COPS6: variants seen among roughly 807,000 people sequenced by gnomAD.
The protein encoded by COPS6 is COP9 signalosome complex subunit 6.
Under a neutral mutation model 41.0 loss-of-function variants are expected in COPS6, and 9 were observed. That is an observed-to-expected ratio of 0.22 (90% CI 0.13 to 0.38). The LOEUF (loss-of-function observed/expected upper bound fraction) is 0.38. Among genes scored for constraint, COPS6 ranks in the 10% least tolerant of loss-of-function variants. The pLI is 1.00. For missense variants in COPS6, 302 were observed against 436.7 expected (o/e 0.69, Z 2.75); for synonymous variants, 179 against 162.9 (o/e 1.10, Z -0.75).
Position 100,088,995 on chromosome 7 carries a change from C to A in COPS6, c.5C>A (p.Ala2Glu). The change falls in exon 1 of 10, where the codon GCG becomes GAG. Residue 2 changes from alanine (A) to glutamate (E), a missense_variant. Coordinates refer to ENST00000303904, the MANE Select transcript of COPS6 (RefSeq NM_006833.5). M[A>E]AAAAAAAATN... ...AGGCTGGCGGGCGCGGGGAAAATGG[C>A]GGCGGCGGCGGCGGCGGCTGCAGCT... 1 of 1,279,690 alleles carries A rather than the reference C, an allele frequency of 7.8e-7. No homozygotes were observed. Among genetic ancestry groups the A allele is most frequent in the Non-Finnish European group, 1.0e-6 (1 of 1,004,462 alleles). The allele number at this position is 1,279,690 out of a possible 1,614,324, so 79.3% of individuals were successfully genotyped here. A position where few individuals can be genotyped will look rare whatever the true frequency, so the allele number is the denominator to read the frequency against.
chr7:100,090,072 G>A (rs1384445045), intron 3 of COPS6: 3 of 437,772 alleles, frequency 6.9e-6, no homozygotes, highest in African/African-American at 4.0e-5. Flanking sequence ...ATGTCAGGCC[G>A]GGCTCAGTGA....
In COPS6 at chr7:100,090,771, T is replaced by C. The variant is rs1374509870; in HGVS notation, c.486+117T>C. 5 of 1,449,944 alleles carry C rather than the reference T, an allele frequency of 3.4e-6. No individual in the cohort carries two copies. In the African/African-American group the frequency reaches 7.0e-5, roughly 20 times the overall value. 89.8% of individuals were successfully genotyped at this position (1,449,944 alleles called of 1,614,324 possible). ...ACCAGCTGTGACTCTGGCTTAGTCATTTAATCTCCAAACTGTGAAAGGAGG... is the reference window on the plus strand; with the variant it reads ...ACCAGCTGTGACTCTGGCTTAGTCACTTAATCTCCAAACTGTGAAAGGAGG... On this transcript the variant is annotated intron_variant, in intron 5 of 9. Coordinates refer to ENST00000303904, the MANE Select transcript of COPS6 (RefSeq NM_006833.5).
rs1164811426 is a variant in COPS6 at position 100,091,826 on chromosome 7, C to G, written c.*37C>G. ...GAAGGGCTGATGGACAGGGGTCAGG[C>G]AACTATCCCAAAGGGGAGGGCACTA... On this transcript the variant is annotated 3_prime_UTR_variant, in exon 10 of 10. Coordinates refer to ENST00000303904, the MANE Select transcript of COPS6 (RefSeq NM_006833.5). This position sits in a 1 kb window ranked among gnomAD's most constrained non-coding sequence, Gnocchi z 4.1. The G allele has an allele frequency of 6.2e-7, 1 of 1,613,390 alleles. No individual in the cohort carries two copies. Among genetic ancestry groups the G allele is most frequent in the Non-Finnish European group, 8.5e-7 (1 of 1,179,406 alleles).
At position 100,091,823 on chromosome 7, in the gene COPS6, AG is replaced by A. The variant is rs750331554; in HGVS notation, c.*36del. 1.9e-6 allele frequency: 3 copies of A among 1,613,682 alleles called. No homozygotes were observed. The highest frequency in any genetic ancestry group is 2.5e-6 in the Non-Finnish European group (3 of 1,179,680). Reference sequence around the variant, plus strand: ...CTTGAAGGGCTGATGGACAGGGGTCAGGCAACTATCCCAAAGGGGAGGGCAC... The same window carrying A: ...CTTGAAGGGCTGATGGACAGGGGTCAGCAACTATCCCAAAGGGGAGGGCAC... On this transcript the variant is annotated 3_prime_UTR_variant, in exon 10 of 10. Transcript: ENST00000303904. The surrounding 1 kb of genome is among the most constrained non-coding windows in gnomAD (Gnocchi z 4.1).
Position 100,090,804 on chromosome 7 carries a change from T to G in COPS6, c.487-98T>G, listed in dbSNP as rs1005198663. ...CCAAACTGTGAAAGGAGGTAATCCC[T>G]ACTTCATTGGTTTCTTGGGAAGATG... On this transcript the variant is annotated intron_variant, in intron 5 of 9. Coordinates refer to ENST00000303904, the MANE Select transcript of COPS6 (RefSeq NM_006833.5). The G allele has an allele frequency of 1.0e-5, 15 of 1,491,262 alleles. No homozygotes were observed. In the African/African-American group the frequency reaches 1.9e-4, roughly 19 times the overall value. 92.4% of individuals were successfully genotyped at this position (1,491,262 alleles called of 1,614,324 possible). A position where few individuals can be genotyped will look rare whatever the true frequency, so the allele number is the denominator to read the frequency against.
At chr7:100,089,127 C>A in intron 1 of COPS6, 61 bp downstream of exon 1, 1 of 1,461,596 alleles carries the variant, frequency 6.8e-7, no homozygotes, top group South Asian at 1.5e-5. Context: ...TGAGGCCTCC[C>A]TGTGCTCCCG....
At chr7:100,089,200 T>G (rs560041581) in intron 1 of COPS6, 90 bp from the exon 2 acceptor site, 6 of 1,531,372 alleles carry the variant, frequency 3.9e-6, no homozygotes, top group Admixed American at 2.1e-5. Context: ...GAGGAAAGTG[T>G]GGCCCGGGCT....
Position 100,091,309 on chromosome 7 carries a change from T to A in COPS6, c.721T>A (p.Tyr241Asn). Residue 241 changes from tyrosine (Y) to asparagine (N), a missense_variant, in exon 8 of 10, where the codon TAC becomes AAC. Tyr to Asn is a moderately radical substitution (Grantham distance 143, BLOSUM62 -2). This residue lies in a region of COPS6 where 222 missense variants were observed against 309.0 expected (regional missense o/e 0.72). Transcript: ENST00000303904. The surrounding 1 kb of genome is among the most constrained non-coding windows in gnomAD (Gnocchi z 4.1). ...LHSRVKLILE[Y>N]VKASEAGEVP... ...CAGCCGCGTCAAGCTCATCTTGGAG[T>A]ACGTCAAGGCCTCTGAAGCGGGTAG... 1 of 1,614,136 alleles carries A rather than the reference T, an allele frequency of 6.2e-7. No homozygotes were observed. The highest frequency in any genetic ancestry group is 8.5e-7 in the Non-Finnish European group (1 of 1,180,004).
Position 100,089,595 on chromosome 7 carries a change from C to T in COPS6, c.203-20C>T. ...GAAGTTTCTTTACCCTCACCTTTTC[C>T]ATGTCATTCTCTTTCCCAGTGATTG... On this transcript the variant is annotated intron_variant, in intron 2 of 9. Coordinates refer to ENST00000303904, the MANE Select transcript of COPS6 (RefSeq NM_006833.5). 1 of 1,609,618 alleles carries T rather than the reference C, an allele frequency of 6.2e-7. No homozygotes were observed.
chr7:100,090,839 G>A lies in COPS6; in HGVS notation c.487-63G>A, dbSNP rs1029052193. On this transcript the variant is annotated intron_variant, in intron 5 of 9. Coordinates refer to ENST00000303904, the MANE Select transcript of COPS6 (RefSeq NM_006833.5). ...GTTTCTTGGGAAGATGAGAGGAAAT[G>A]TGTAAAAGCAGCTAGCCCAAATGTT... 3.2e-6 allele frequency: 5 copies of A among 1,571,638 alleles called. No homozygotes were observed. The African/African-American group carries it at 6.8e-5, about 21-fold the overall frequency.
rs181212766 is a variant in COPS6 at position 100,090,693 on chromosome 7, C to G, written c.486+39C>G. 2.3e-4 allele frequency: 370 copies of G among 1,591,736 alleles called. No homozygotes were observed. The African/African-American group carries it at 4.2e-3, about 18-fold the overall frequency. On this transcript the variant is annotated intron_variant, in intron 5 of 9. Transcript: ENST00000303904. Reference sequence around the variant, plus strand: ...CATGCCTACTCTGTCATGATTGTCGCTATACCTTTTACTGTGTGACACTCC... The same window carrying G: ...CATGCCTACTCTGTCATGATTGTCGGTATACCTTTTACTGTGTGACACTCC...
Position 100,089,320 on chromosome 7 carries a change from C to T in COPS6, c.107C>T (p.Thr36Ile). ...VVPSVMACGV[T>I]GSVSVALHPL... ...CCCAGCGTGATGGCCTGCGGAGTGA[C>T]TGGGAGTGTTTCCGTCGCTCTCCAT... The change falls in exon 2 of 10, where the codon ACT (threonine) becomes ATT (isoleucine). Residue 36 changes from threonine (T) to isoleucine (I), a missense_variant. Physicochemically the swap from Thr to Ile is moderately conservative, Grantham distance 89. Around this residue, in one of 3 missense-constraint regions of COPS6, gnomAD observed 76 missense variants for 97.9 expected, o/e 0.78. Coordinates refer to ENST00000303904, the MANE Select transcript of COPS6 (RefSeq NM_006833.5). 3.1e-6 allele frequency: 5 copies of T among 1,614,112 alleles called. No homozygotes were observed. In the South Asian group the frequency reaches 4.4e-5, roughly 14 times the overall value.
chr7:100,091,848 A>G lies in COPS6; in HGVS notation c.*59A>G, dbSNP rs2116540084. Reference sequence around the variant, plus strand: ...AGGCAACTATCCCAAAGGGGAGGGCACTACACTTCCTTGAGAGAAACCGCT... The same window carrying G: ...AGGCAACTATCCCAAAGGGGAGGGCGCTACACTTCCTTGAGAGAAACCGCT... On this transcript the variant is annotated 3_prime_UTR_variant, in exon 10 of 10. Coordinates refer to ENST00000303904, the MANE Select transcript of COPS6 (RefSeq NM_006833.5). The surrounding 1 kb of genome is among the most constrained non-coding windows in gnomAD (Gnocchi z 4.1). 6.2e-7 allele frequency: 1 copy of G among 1,605,588 alleles called. No homozygotes were observed. The highest frequency in any genetic ancestry group is 8.5e-7 in the Non-Finnish European group (1 of 1,173,608).
chr7:100,091,263 C>T lies in COPS6; in HGVS notation c.675C>T (p.His225=). 1.9e-6 allele frequency: 3 copies of T among 1,614,212 alleles called. No homozygotes were observed. The highest frequency in any genetic ancestry group is 2.5e-6 in the Non-Finnish European group (3 of 1,180,026). Reference sequence around the variant, plus strand: ...TGGCTGAACACCTGATAGCACAGCACAGCGCCATCAAGATGCTGCACAGCC... The same window carrying T: ...TGGCTGAACACCTGATAGCACAGCATAGCGCCATCAAGATGCTGCACAGCC... The part of the protein sequence containing the change: ...STVAEHLIAQ[H]SAIKMLHSRV... The change falls in exon 8 of 10, where the codon CAC becomes CAT. Residue 225 remains histidine, a synonymous_variant. Transcript: ENST00000303904. This position sits in a 1 kb window ranked among gnomAD's most constrained non-coding sequence, Gnocchi z 4.1.
In COPS6 at chr7:100,090,406, G is replaced by T; in HGVS notation, c.342G>T (p.Gln114His). 6.2e-7 allele frequency: 1 copy of T among 1,612,236 alleles called. No homozygotes were observed. Reference protein sequence around the residue: ...YYYTKEEQFKQVFKELEFLGW... With the variant: ...YYYTKEEQFKHVFKELEFLGW... ...TGGCCCCTTCCCCTCTAGTTAAACA[G>T]GTGTTCAAGGAGCTGGAGTTTCTGG... Residue 114 changes from glutamine (Q) to histidine (H), a missense_variant, in exon 4 of 10, where the codon CAG becomes CAT. Around this residue, in one of 3 missense-constraint regions of COPS6, gnomAD observed 222 missense variants for 309.0 expected, o/e 0.72. Coordinates refer to ENST00000303904, the MANE Select transcript of COPS6 (RefSeq NM_006833.5).
At chr7:100,089,840 A>G (rs1209643409) in intron 3 of COPS6, 94 bp downstream of exon 3, 2 of 1,268,194 alleles carry the variant, frequency 1.6e-6, no homozygotes, top group Non-Finnish European at 1.1e-6. Context: ...GAAACAGGAG[A>G]GGAGACCAAG....
At chr7:100,090,857 C>T (rs113847876) in intron 5 of COPS6, 45 bp from the exon 6 acceptor site, 1 of 1,607,574 alleles carries the variant, frequency 6.2e-7, no homozygotes, top group South Asian at 1.1e-5. Flanking sequence ...GCAGCTAGCC[C>T]AAATGTTGGC....
chr7:100,090,526 T>A (rs781277590), intron 4 of COPS6, 39 bp downstream of exon 4: 4 of 1,610,618 alleles, frequency 2.5e-6, no homozygotes, highest in Non-Finnish European at 2.5e-6. Context: ...GGGCAGAGAA[T>A]GGAGAATGAG....
Position 100,091,889 on chromosome 7 carries a change from G to C in COPS6, c.*100G>C. 1.3e-6 allele frequency: 2 copies of C among 1,511,276 alleles called. No homozygotes were observed. Among genetic ancestry groups the C allele is most frequent in the East Asian group, 2.3e-5 (1 of 43,806 alleles). 93.6% of individuals were successfully genotyped at this position (1,511,276 alleles called of 1,614,324 possible). A position where few individuals can be genotyped will look rare whatever the true frequency, so the allele number is the denominator to read the frequency against. On this transcript the variant is annotated 3_prime_UTR_variant, in exon 10 of 10. Transcript: ENST00000303904. The surrounding 1 kb of genome is among the most constrained non-coding windows in gnomAD (Gnocchi z 4.1). ...AGAAACCGCTGTCATTAATAAAAGGGGAGCAGCCCCTGAGCACCCCTGCTG... is the reference window on the plus strand; with the variant it reads ...AGAAACCGCTGTCATTAATAAAAGGCGAGCAGCCCCTGAGCACCCCTGCTG...
Sources: gnomAD v4.1 joint callset for allele counts on GRCh38, gnomAD v4.1.1 for gene constraint, gnomAD v4.1.1 regional missense constraint, Gnocchi (gnomAD v3.1) non-coding constraint, MANE v1.5 for transcripts, NCBI Gene and HGNC (gene_info 2026-07-23, HGNC 2026-07-21) for gene names.